Variants in GXYLT1 observed in about 807,000 individuals in gnomAD.
The protein encoded by GXYLT1 is glucoside xylosyltransferase 1.
Under a neutral mutation model 54.0 loss-of-function variants are expected in GXYLT1, and 29 were observed. That is an observed-to-expected ratio of 0.54 (90% confidence interval 0.40 to 0.73). The LOEUF (loss-of-function observed/expected upper bound fraction) is 0.73. GXYLT1 is among the 30% of genes least tolerant of loss of function. The probability of loss-of-function intolerance (pLI) is 0.00; values close to 1 mark genes in which losing one functional copy is unlikely to be tolerated. For missense variants in GXYLT1, 490 were observed against 553.4 expected, an observed-to-expected ratio of 0.89 and a Z score of 1.15; for synonymous variants, 176 against 204.1, an observed-to-expected ratio of 0.86 and a Z score of 1.17.
chr12:42,138,881 A>T (rs1438723374), intron 1 of GXYLT1, among the ~76,000 whole-genome samples: 3 of 152,086 alleles, frequency 2.0e-5, no homozygotes, highest in African/African-American at 7.2e-5. Flanking sequence ...CAAAAAGAAA[A>T]AAACAAAAAA....
intron 7 of GXYLT1, among the ~76,000 whole-genome samples, chr12:42,089,578 G>A (rs2065317445): frequency 6.6e-6 from 1 of 152,040 alleles, no homozygotes; most frequent in Non-Finnish European, 1.5e-5. Context: ...AACAACGAAG[G>A]CAAGGAGAGA....
intron 4 of GXYLT1, among the ~76,000 whole-genome samples, chr12:42,106,475 T>G (rs1312455010): frequency 6.6e-6 from 1 of 152,188 alleles, no homozygotes; most frequent in Admixed American, 6.5e-5. Flanking sequence ...TTATTCCCCT[T>G]GGCCTGTAAC....
chr12:42,116,327 A>G lies in GXYLT1; in HGVS notation c.486+2673T>C, dbSNP rs564498500. Among the ~76,000 whole-genome samples, 210 of 152,316 alleles carry G rather than the reference A, an allele frequency of 1.4e-3. 2 individuals carry two copies. The highest frequency in any genetic ancestry group is 4.8e-3 in the African/African-American group (198 of 41,560). On this transcript the variant is annotated intron_variant, in intron 3 of 7. Transcript: ENST00000398675. ...CTTCTGCACAGCAAAAGAAACTACCATCAGAGTGAACCGGCAACCTACAGA... is the reference window on the plus strand; with the variant it reads ...CTTCTGCACAGCAAAAGAAACTACCGTCAGAGTGAACCGGCAACCTACAGA...
At chr12:42,089,438 T>A (rs2065316616) in intron 7 of GXYLT1, among the ~76,000 whole-genome samples, 1 of 152,140 alleles carries the variant, frequency 6.6e-6, no homozygotes, top group African/African-American at 2.4e-5. Flanking sequence ...TATACATATG[T>A]AACAAACCTG....
At chr12:42,129,921 C>G in intron 1 of GXYLT1, 70 bp from the exon 2 acceptor site, 2 of 888,244 alleles carry the variant, frequency 2.3e-6, no homozygotes, top group Non-Finnish European at 3.7e-6. Flanking sequence ...GGAATTTACT[C>G]AGTAACACGA....
intron 5 of GXYLT1, among the ~76,000 whole-genome samples, chr12:42,098,758 A>AAAATATATATATATATATATATAT (rs1565567111): frequency 5.6e-5 from 1 of 17,768 alleles, no homozygotes. Flanking sequence ...TTAAATTTAA[A>AAAATATATATATATATATATATAT]ACATATATAT....
chr12:42,117,288 AT>A (rs892290080), intron 3 of GXYLT1, among the ~76,000 whole-genome samples: 1 of 152,096 alleles, frequency 6.6e-6, no homozygotes, highest in African/African-American at 2.4e-5. Context: ...TAATAATAAA[AT>A]TTAAAAAAAA....
intron 1 of GXYLT1, among the ~76,000 whole-genome samples, chr12:42,141,728 T>C (rs1484337975): frequency 6.6e-6 from 1 of 152,148 alleles, no homozygotes; most frequent in Non-Finnish European, 1.5e-5. Context: ...GGTGAGGAAA[T>C]TAAAACACAG....
chr12:42,117,117 G>A lies in GXYLT1; in HGVS notation c.486+1883C>T, dbSNP rs1322013763. 1.9e-4 allele frequency among the ~76,000 whole-genome samples: 28 copies of A among 147,896 alleles called. 1 individual carries two copies. The highest frequency in any genetic ancestry group is 5.8e-4 in the African/African-American group (23 of 39,802). On this transcript the variant is annotated intron_variant, in intron 3 of 7. Coordinates refer to ENST00000398675, the MANE Select transcript of GXYLT1 (RefSeq NM_173601.2). ...CACAGGAAGGGGAACATCACACATC[G>A]GGGACTGTTGTGGGGTTGGGGGAGG...
rs1338481941 is a variant in GXYLT1 at position 42,129,710 on chromosome 12, T to C, written c.314+49A>G. On this transcript the variant is annotated intron_variant, in intron 2 of 7. Transcript: ENST00000398675. ...CTATTACAAAGGTTTTATTATCAAC[T>C]ATCTAACCTTATCTACACTGATCTA... The C allele has an allele frequency of 2.7e-6, 3 of 1,106,760 alleles. No individual in the cohort carries two copies. In the African/African-American group the frequency reaches 4.6e-5, roughly 17 times the overall value. 68.6% of individuals were successfully genotyped at this position (1,106,760 alleles called of 1,614,324 possible).
At position 42,128,035 on chromosome 12, in the gene GXYLT1, T is replaced by C. The variant is rs530151682; in HGVS notation, c.314+1724A>G. On this transcript the variant is annotated intron_variant, in intron 2 of 7. Coordinates refer to ENST00000398675, the MANE Select transcript of GXYLT1 (RefSeq NM_173601.2). ...AGAATTTACAAATATGTACAATTAA[T>C]AGATACTTACAATGCAGTTCTTACA... 2.0e-5 allele frequency among the ~76,000 whole-genome samples: 3 copies of C among 152,314 alleles called. No individual in the cohort carries two copies. In the East Asian group the frequency reaches 5.8e-4, roughly 29 times the overall value.
intron 5 of GXYLT1, among the ~76,000 whole-genome samples, chr12:42,098,782 T>A (rs555310371): frequency 2.2e-5 from 3 of 138,246 alleles, no homozygotes; most frequent in Admixed American, 7.2e-5. Flanking sequence ...TATATATATA[T>A]ATAATACATG....
At chr12:42,087,987 G>T (rs774313510) in intron 7 of GXYLT1, 40 bp from the exon 8 acceptor site, 14 of 1,114,306 alleles carry the variant, frequency 1.3e-5, no homozygotes, top group Non-Finnish European at 1.6e-5. Flanking sequence ...AATTTAAAAG[G>T]CAAAGGTACA....
chr12:42,144,309 A>T, intron 1 of GXYLT1, 117 bp downstream of exon 1: 1 of 595,424 alleles, frequency 1.7e-6, no homozygotes, highest in Non-Finnish European at 2.5e-6. Context: ...GAGGGGTCAG[A>T]GACAGGAGGA....
chr12:42,103,945 G>A (rs998040013), intron 5 of GXYLT1, among the ~76,000 whole-genome samples: 3 of 152,096 alleles, frequency 2.0e-5, no homozygotes, highest in Non-Finnish European at 4.4e-5. Flanking sequence ...TAAGTAATAG[G>A]TAAGTTAAAA....
chr12:42,114,149 C>A (rs1616271), intron 3 of GXYLT1, among the ~76,000 whole-genome samples: 1 of 152,200 alleles, frequency 6.6e-6, no homozygotes, highest in African/African-American at 2.4e-5. Flanking sequence ...GGGAAATTTA[C>A]ACCACTAAAT....
chr12:42,109,503 G>A, intron 4 of GXYLT1, 63 bp downstream of exon 4: 1 of 1,153,270 alleles, frequency 8.7e-7, no homozygotes, highest in Non-Finnish European at 1.1e-6. Context: ...AGACTCATGT[G>A]TAAAAGTAAG....
chr12:42,117,168 A>C (rs1360315411), intron 3 of GXYLT1, among the ~76,000 whole-genome samples: 1 of 151,862 alleles, frequency 6.6e-6, no homozygotes, highest in Non-Finnish European at 1.5e-5. Context: ...TAGGAGACAT[A>C]CCTAATGCTA....
chr12:42,098,760 C>CATATATATATATATATATATATAT (rs60199719), intron 5 of GXYLT1, among the ~76,000 whole-genome samples: 1,695 of 96,170 alleles, frequency 0.018, 55 homozygotes, highest in Non-Finnish European at 0.023. Context: ...AAATTTAAAA[C>CATATATATATATATATATATATAT]ATATATATAT....
Sources: gnomAD v4.1 joint callset for allele counts (sites outside exome capture counted in the v4.1 genomes callset) on GRCh38, gnomAD v4.1.1 for gene constraint, MANE v1.5 for transcripts, NCBI Gene and HGNC (gene_info 2026-07-23, HGNC 2026-07-21) for gene names.